Variants in MACROD2 observed in about 807,000 individuals in gnomAD.
MACROD2 encodes the protein ADP-ribose glycohydrolase MACROD2.
In MACROD2, 36 loss-of-function variants were observed where a neutral mutation model predicts 70.4. That is an observed-to-expected ratio of 0.51 (90% confidence interval 0.39 to 0.68). MACROD2 has a LOEUF of 0.68. MACROD2 is among the 30% of genes least tolerant of loss of function. The probability of loss-of-function intolerance (pLI) is 0.00; values close to 1 mark genes in which losing one functional copy is unlikely to be tolerated. For synonymous variants in MACROD2, 172 were observed against 178.8 expected, an observed-to-expected ratio of 0.96 and a Z score of 0.30; for missense variants, 496 against 538.4, an observed-to-expected ratio of 0.92 and a Z score of 0.78.
intron 8 of MACROD2, among the ~76,000 whole-genome samples, chr20:15,734,172 A>G (rs1026144673): frequency 6.6e-6 from 1 of 152,234 alleles, no homozygotes; most frequent in African/African-American, 2.4e-5. Context: ...TCAGTACCCT[A>G]TGCAAAGGCA....
At chr20:15,777,540 TC>T (rs1257446976) in intron 8 of MACROD2, among the ~76,000 whole-genome samples, 132 of 102,860 alleles carry the variant, frequency 1.3e-3, no homozygotes, top group South Asian at 8.2e-3. Context: ...CTTCCTTCCT[TC>T]CTTCCTTCCT....
intron 2 of MACROD2, chr20:14,053,752 G>C (rs766262074): frequency 2.6e-5 from 4 of 152,006 alleles, no homozygotes; most frequent in Non-Finnish European, 5.9e-5. Flanking sequence ...TAGCGTGATG[G>C]AACTTAAATT....
intron 7 of MACROD2, among the ~76,000 whole-genome samples, chr20:15,470,239 C>T (rs1018081719): frequency 5.9e-5 from 9 of 152,120 alleles, no homozygotes; most frequent in Non-Finnish European, 8.8e-5. Context: ...TTAGTAGAGA[C>T]GGGGTTTCAC....
intron 4 of MACROD2, among the ~76,000 whole-genome samples, chr20:14,639,080 G>A (rs1377293943): frequency 2.0e-5 from 3 of 152,014 alleles, no homozygotes; most frequent in Non-Finnish European, 4.4e-5. Context: ...TCACATTTTG[G>A]TACTGGGAAA....
intron 8 of MACROD2, among the ~76,000 whole-genome samples, chr20:15,812,393 T>C (rs1365818946): frequency 6.6e-6 from 1 of 152,178 alleles, no homozygotes; most frequent in Non-Finnish European, 1.5e-5. Context: ...TGAATAAATA[T>C]GGAGGACGGA....
intron 3 of MACROD2, among the ~76,000 whole-genome samples, chr20:14,347,331 T>C (rs960490961): frequency 1.6e-4 from 24 of 152,034 alleles, no homozygotes; most frequent in African/African-American, 3.6e-4. Flanking sequence ...TTGTAGTGCG[T>C]TTTGGGGATG....
At chr20:14,182,101 C>T (rs991123932) in intron 3 of MACROD2, among the ~76,000 whole-genome samples, 7 of 152,170 alleles carry the variant, frequency 4.6e-5, no homozygotes, top group African/African-American at 1.7e-4. Context: ...TACATTCCTA[C>T]CAGCCATGTA....
At chr20:14,894,265 C>G (rs1238055227) in intron 5 of MACROD2, 1 of 151,886 alleles carries the variant, frequency 6.6e-6, no homozygotes, top group Non-Finnish European at 1.5e-5. Flanking sequence ...GAGTCTCACT[C>G]TGCCGCCCAG....
At chr20:14,012,985 C>G (rs1189970407) in intron 2 of MACROD2, among the ~76,000 whole-genome samples, 1 of 152,076 alleles carries the variant, frequency 6.6e-6, no homozygotes, top group Non-Finnish European at 1.5e-5. Context: ...CATGTATGAT[C>G]TATAAGTGTG....
At chr20:15,861,734 T>G (rs983988226) in intron 8 of MACROD2, among the ~76,000 whole-genome samples, 1 of 152,166 alleles carries the variant, frequency 6.6e-6, no homozygotes, top group African/African-American at 2.4e-5. Flanking sequence ...TACTGGGAAC[T>G]GTCTTACTAG....
At chr20:14,681,699 C>T (rs1362192638) in intron 4 of MACROD2, among the ~76,000 whole-genome samples, 1 of 152,014 alleles carries the variant, frequency 6.6e-6, no homozygotes, top group Non-Finnish European at 1.5e-5. Flanking sequence ...TAAAAGTTGT[C>T]AAAACTGCAC....
chr20:14,527,438 AG>A (rs1456975391), intron 4 of MACROD2, among the ~76,000 whole-genome samples: 1 of 152,046 alleles, frequency 6.6e-6, no homozygotes, highest in Non-Finnish European at 1.5e-5. Flanking sequence ...TATCATTTAA[AG>A]GGACCACTCT....
rs2073630512 is a variant in MACROD2 at position 14,883,179 on chromosome 20, T to TA, written c.418+198225dup. Reference sequence around the variant, plus strand: ...GAGAAATATGCAACAACCCATTTCCTAAAAAGTCTGTAATTACATGTGGGA... The same window carrying TA: ...GAGAAATATGCAACAACCCATTTCCTAAAAAAGTCTGTAATTACATGTGGGA... On this transcript the variant is annotated intron_variant, in intron 5 of 17. Transcript: ENST00000684519. Among the ~76,000 whole-genome samples the TA allele has an allele frequency of 3.3e-5, 5 of 152,192 alleles. No homozygotes were observed. The South Asian group carries it at 6.2e-4, about 19-fold the overall frequency.
chr20:14,425,524 A>G (rs1039112886), intron 3 of MACROD2, among the ~76,000 whole-genome samples: 1 of 152,194 alleles, frequency 6.6e-6, no homozygotes, highest in African/African-American at 2.4e-5. Flanking sequence ...TAGCATTTAT[A>G]GTTATTTGCT....
At chr20:15,283,509 C>G (rs966374397) in intron 6 of MACROD2, among the ~76,000 whole-genome samples, 1 of 151,892 alleles carries the variant, frequency 6.6e-6, no homozygotes, top group South Asian at 2.1e-4. Context: ...TCCATCTCTA[C>G]TAAAAACAAA....
chr20:14,663,461 A>G (rs1398292608), intron 4 of MACROD2, among the ~76,000 whole-genome samples: 3 of 151,798 alleles, frequency 2.0e-5, no homozygotes, highest in African/African-American at 7.3e-5. Context: ...AAACCTGCAC[A>G]TGTACCCCTG....
intron 5 of MACROD2, among the ~76,000 whole-genome samples, chr20:14,858,550 G>C (rs1379088389): frequency 6.6e-6 from 1 of 152,086 alleles, no homozygotes; most frequent in Non-Finnish European, 1.5e-5. Flanking sequence ...TACAGTTAAG[G>C]GTGGTGTAGG....
intron 3 of MACROD2, among the ~76,000 whole-genome samples, chr20:14,169,285 A>T (rs1220988331): frequency 6.6e-6 from 1 of 152,002 alleles, no homozygotes; most frequent in Non-Finnish European, 1.5e-5. Context: ...TCTCCAATAA[A>T]AACTTATCAA....
At chr20:15,518,686 G>A (rs1285997018) in intron 8 of MACROD2, among the ~76,000 whole-genome samples, 1 of 152,178 alleles carries the variant, frequency 6.6e-6, no homozygotes. Flanking sequence ...ACTCCCAAGT[G>A]TCCTAATAAC....
Sources: allele counts gnomAD v4.1 joint callset (sites outside exome capture counted in the v4.1 genomes callset), GRCh38; gene constraint gnomAD v4.1.1; transcripts MANE v1.5; gene names NCBI Gene and HGNC (gene_info 2026-07-23, HGNC 2026-07-21).